The following RTP3 variants were observed in gnomAD, a reference collection of about 807,000 sequenced individuals.
RTP3 encodes receptor-transporting protein 3.
A neutral mutation model predicts 6.2 loss-of-function variants in RTP3; 2 were observed. The observed-to-expected ratio is 0.32, with a 90% confidence interval of 0.13 to 1.02. The LOEUF (loss-of-function observed/expected upper bound fraction) is 1.02. Ranked by LOEUF, RTP3 falls within the 50% of genes least tolerant of loss-of-function variation. RTP3 has a pLI of 0.47. For synonymous variants in RTP3, 106 were observed against 98.3 expected (o/e 1.08, Z -0.47); for missense variants, 252 against 280.8 (o/e 0.90, Z 0.73).
rs1378909626 is a variant in RTP3 at position 46,500,645 on chromosome 3, C to T, written c.445C>T (p.His149Tyr). The T allele has an allele frequency of 4.3e-6, 7 of 1,614,080 alleles. No homozygotes were observed. Among genetic ancestry groups the T allele is most frequent in the Non-Finnish European group, 5.1e-6 (6 of 1,179,958 alleles). The change falls in exon 2 of 2, where the codon CAC becomes TAC. Residue 149 changes from histidine to tyrosine, a missense_variant. By Grantham distance (83) the His-to-Tyr change is moderately conservative (BLOSUM62 2). Coordinates refer to ENST00000296142, the MANE Select transcript of RTP3 (RefSeq NM_031440.2). ...CAAGGACATCTCTCTTGAAGGGCCA[C>T]ACAATAGTGACAACTGTGAGGCATG... The part of the protein sequence containing the change: ...MIKDISLEGP[H>Y]NSDNCEACLQ...
Position 46,498,163 on chromosome 3 carries a change from T to C in RTP3, c.101T>C (p.Leu34Pro), listed in dbSNP as rs1028439786. The C allele has an allele frequency of 1.9e-6, 3 of 1,614,202 alleles. No individual in the cohort carries two copies. The highest frequency in any genetic ancestry group is 1.7e-5 in the Admixed American group (1 of 60,028). The stretch of plus-strand genomic sequence containing the variant: ...ACCCTGAGACCAGACAAGGGCCTTC[T>C]TCCCAACGTCCTGAAGCCAGGCTGG... ...RWTLRPDKGL[L>P]PNVLKPGWMQ... The change falls in exon 1 of 2, where the codon CTT becomes CCT. Residue 34 changes from leucine (L) to proline (P), a missense_variant. Leu to Pro is a moderately conservative substitution (Grantham distance 98). Transcript: ENST00000296142.
chr3:46,498,206 G>T lies in RTP3; in HGVS notation c.144G>T (p.Trp48Cys). Residue 48 changes from tryptophan to cysteine, a missense_variant, in exon 1 of 2, where the codon TGG becomes TGT. Transcript: ENST00000296142. ...CAGGCTGGATGCAATACCAGCAGTGGACCTTCGCCAGGTGAGGGGGAATGT... is the reference window on the plus strand; with the variant it reads ...CAGGCTGGATGCAATACCAGCAGTGTACCTTCGCCAGGTGAGGGGGAATGT... ...LKPGWMQYQQ[W>C]TFARFQCSSC... The T allele has an allele frequency of 6.2e-7, 1 of 1,614,212 alleles. No homozygotes were observed. Among genetic ancestry groups the T allele is most frequent in the Non-Finnish European group, 8.5e-7 (1 of 1,180,046 alleles).
intron 1 of RTP3, among the ~76,000 whole-genome samples, chr3:46,499,240 G>A (rs984731169): frequency 3.9e-5 from 6 of 152,198 alleles, no homozygotes; most frequent in Admixed American, 1.3e-4. Context: ...TCCAGGCATC[G>A]GGGGCTCAGC....
At chr3:46,499,868 T>A (rs529737819) in intron 1 of RTP3, among the ~76,000 whole-genome samples, 84 of 152,222 alleles carry the variant, frequency 5.5e-4, no homozygotes, top group African/African-American at 1.9e-3. Context: ...CGCCAACCCA[T>A]GAGTCTATAA....
Position 46,498,140 on chromosome 3 carries a change from C to T in RTP3, c.78C>T (p.Thr26=). ...MREVKPWHRW[T]LRPDKGLLPN... is the part of the protein sequence containing the mutation. ...AGGTGAAGCCATGGCACAGGTGGAC[C>T]CTGAGACCAGACAAGGGCCTTCTTC... Residue 26 remains threonine, a synonymous_variant, in exon 1 of 2, where the codon ACC becomes ACT. Coordinates refer to ENST00000296142, the MANE Select transcript of RTP3 (RefSeq NM_031440.2). 6.2e-7 allele frequency: 1 copy of T among 1,614,148 alleles called. No homozygotes were observed. The highest frequency in any genetic ancestry group is 8.5e-7 in the Non-Finnish European group (1 of 1,180,014).
intron 1 of RTP3, among the ~76,000 whole-genome samples, chr3:46,499,498 G>C (rs1275018845): frequency 6.6e-6 from 1 of 152,158 alleles, no homozygotes; most frequent in Non-Finnish European, 1.5e-5. Flanking sequence ...AAATGTCTCC[G>C]CCACAGTGCA....
chr3:46,500,383 C>G lies in RTP3; in HGVS notation c.183C>G (p.Asn61Lys), dbSNP rs145332035. Residue 61 changes from asparagine (N) to lysine (K), a missense_variant, in exon 2 of 2, where the codon AAC becomes AAG. Transcript: ENST00000296142. Reference protein sequence around the residue: ...ARFQCSSCSRNWASAQVLVLF... With the variant: ...ARFQCSSCSRKWASAQVLVLF... ...TCCAGTGCTCCTCCTGCTCTCGTAA[C>G]TGGGCCTCTGCCCAAGTTCTGGTCC... 2 of 1,612,662 alleles carry G rather than the reference C, an allele frequency of 1.2e-6. No homozygotes were observed. Among genetic ancestry groups the G allele is most frequent in the African/African-American group, 2.7e-5 (2 of 74,876 alleles).
In RTP3 at chr3:46,500,758, G is replaced by A. The variant is rs1391738656; in HGVS notation, c.558G>A (p.Glu186=). The A allele has an allele frequency of 6.2e-7, 1 of 1,614,184 alleles. No homozygotes were observed. The part of the protein sequence containing the change: ...TPRVHSIYKV[E]EVVKPWASGE... ...GAGTACACTCCATTTACAAGGTGGA[G>A]GAGGTAGTTAAGCCCTGGGCCTCAG... The change falls in exon 2 of 2, where the codon GAG becomes GAA. Residue 186 remains glutamate, a synonymous_variant. Coordinates refer to ENST00000296142, the MANE Select transcript of RTP3 (RefSeq NM_031440.2).
intron 1 of RTP3, among the ~76,000 whole-genome samples, chr3:46,499,336 G>A (rs1703680810): frequency 6.6e-6 from 1 of 152,220 alleles, no homozygotes; most frequent in Non-Finnish European, 1.5e-5. Context: ...GGAGAGAGCT[G>A]GAATGTCTTA....
Position 46,500,467 on chromosome 3 carries a change from T to A in RTP3, c.267T>A (p.Phe89Leu). The change falls in exon 2 of 2, where the codon TTT becomes TTA. Residue 89 changes from phenylalanine (F) to leucine (L), a missense_variant. By Grantham distance (22) the Phe-to-Leu change is conservative. Transcript: ENST00000296142. ...GGGGCCAGGTGAAGATGAGGGTGTTTACCCAGAGATGTAAGAAGTGCCCCC... is the reference window on the plus strand; with the variant it reads ...GGGGCCAGGTGAAGATGAGGGTGTTAACCCAGAGATGTAAGAAGTGCCCCC... ...KSRGQVKMRV[F>L]TQRCKKCPQP... is the part of the protein sequence containing the mutation. 2 of 1,614,228 alleles carry A rather than the reference T, an allele frequency of 1.2e-6. No homozygotes were observed. Among genetic ancestry groups the A allele is most frequent in the Non-Finnish European group, 1.7e-6 (2 of 1,180,032 alleles).
chr3:46,498,986 A>C (rs1703677315), intron 1 of RTP3, among the ~76,000 whole-genome samples: 1 of 152,196 alleles, frequency 6.6e-6, no homozygotes, highest in Non-Finnish European at 1.5e-5. Flanking sequence ...GAGCACTGAG[A>C]CCCAGGGGAT....
Position 46,498,133 on chromosome 3 carries a change from G to C in RTP3, c.71G>C (p.Arg24Thr), listed in dbSNP as rs1703668897. The change falls in exon 1 of 2, where the codon AGG (arginine) becomes ACG (threonine). Residue 24 changes from arginine to threonine, a missense_variant. By Grantham distance (71) the Arg-to-Thr change is moderately conservative (BLOSUM62 -1). Coordinates refer to ENST00000296142, the MANE Select transcript of RTP3 (RefSeq NM_031440.2). ...ELMREVKPWHRWTLRPDKGLL... is the reference protein window; with the variant it reads ...ELMREVKPWHTWTLRPDKGLL... ...ATGCGGGAGGTGAAGCCATGGCACAGGTGGACCCTGAGACCAGACAAGGGC... is the reference window on the plus strand; with the variant it reads ...ATGCGGGAGGTGAAGCCATGGCACACGTGGACCCTGAGACCAGACAAGGGC... The C allele has an allele frequency of 6.2e-7, 1 of 1,614,218 alleles. No individual in the cohort carries two copies. The highest frequency in any genetic ancestry group is 1.1e-5 in the South Asian group (1 of 91,080).
intron 1 of RTP3, among the ~76,000 whole-genome samples, chr3:46,498,907 G>A (rs1703676741): frequency 6.6e-6 from 1 of 152,226 alleles, no homozygotes; most frequent in African/African-American, 2.4e-5. Context: ...GCTGCCATAG[G>A]GAGCATTGCA....
At position 46,500,656 on chromosome 3, in the gene RTP3, C is replaced by T; in HGVS notation, c.456C>T (p.Asp152=). The T allele has an allele frequency of 6.2e-7, 1 of 1,614,026 alleles. No individual in the cohort carries two copies. The highest frequency in any genetic ancestry group is 8.5e-7 in the Non-Finnish European group (1 of 1,179,950). ...DISLEGPHNS[D]NCEACLQGFC... The stretch of plus-strand genomic sequence containing the variant: ...CTCTTGAAGGGCCACACAATAGTGA[C>T]AACTGTGAGGCATGTCTGCAGGGCT... The change falls in exon 2 of 2, where the codon GAC becomes GAT. Residue 152 remains aspartate (D), a synonymous_variant. Transcript: ENST00000296142.
intron 1 of RTP3, among the ~76,000 whole-genome samples, chr3:46,499,722 G>A (rs780769587): frequency 1.3e-5 from 2 of 152,166 alleles, no homozygotes; most frequent in Non-Finnish European, 2.9e-5. Context: ...AAGGGAACTG[G>A]GTTGGAGGGG....
chr3:46,499,374 G>A (rs1703681414), intron 1 of RTP3, among the ~76,000 whole-genome samples: 1 of 152,258 alleles, frequency 6.6e-6, no homozygotes, highest in South Asian at 2.1e-4. Flanking sequence ...ATATCTGGAA[G>A]GAACATATAT....
intron 1 of RTP3, among the ~76,000 whole-genome samples, chr3:46,499,585 C>T (rs577142095): frequency 6.6e-6 from 1 of 152,342 alleles, no homozygotes; most frequent in East Asian, 1.9e-4. Context: ...TACCTCCTGA[C>T]ATGTATTTGT....
At position 46,500,508 on chromosome 3, in the gene RTP3, A is replaced by C. The variant is rs774619088; in HGVS notation, c.308A>C (p.Asp103Ala). ...CKKCPQPLFE[D>A]PEFTQENISR... ...AAGTGCCCCCAACCTCTGTTTGAGG[A>C]CCCTGAGTTCACACAAGAGAACATC... Residue 103 changes from aspartate (D) to alanine (A), a missense_variant, in exon 2 of 2, where the codon GAC (aspartate) becomes GCC (alanine). Coordinates refer to ENST00000296142, the MANE Select transcript of RTP3 (RefSeq NM_031440.2). 5.0e-6 allele frequency: 8 copies of C among 1,614,216 alleles called. No homozygotes were observed. The highest frequency in any genetic ancestry group is 6.8e-6 in the Non-Finnish European group (8 of 1,180,030).
Position 46,500,545 on chromosome 3 carries a change from G to A in RTP3, c.345G>A (p.Leu115=), listed in dbSNP as rs1703694958. 3.1e-6 allele frequency: 5 copies of A among 1,614,228 alleles called. No homozygotes were observed. The East Asian group carries it at 1.1e-4, about 36-fold the overall frequency. ...CACAAGAGAACATCTCAAGGATCCT[G>A]AAAAACCTGGTGTTCCGAATTCTGA... The part of the protein sequence containing the change: ...EFTQENISRI[L]KNLVFRILKK... Residue 115 remains leucine (L), a synonymous_variant, in exon 2 of 2, where the codon CTG becomes CTA. Coordinates refer to ENST00000296142, the MANE Select transcript of RTP3 (RefSeq NM_031440.2).
Sources: allele counts gnomAD v4.1 joint callset (sites outside exome capture counted in the v4.1 genomes callset), GRCh38; gene constraint gnomAD v4.1.1; transcripts MANE v1.5; gene names NCBI Gene and HGNC (gene_info 2026-07-23, HGNC 2026-07-21).